BARX2: variants seen among roughly 807,000 people sequenced by gnomAD.
BARX2 encodes homeobox protein BarH-like 2.
In BARX2, 11 loss-of-function variants were observed where a neutral mutation model predicts 25.5. That is an observed-to-expected ratio of 0.43 (90% CI 0.27 to 0.71). The LOEUF (loss-of-function observed/expected upper bound fraction) is 0.71, where lower values mean the gene tolerates loss of function less well. Ranked by LOEUF, BARX2 falls within the 30% of genes least tolerant of loss-of-function variation. The probability of loss-of-function intolerance (pLI) is 0.19; values close to 1 mark genes in which losing one functional copy is unlikely to be tolerated. For missense variants in BARX2, 360 were observed against 359.9 expected (o/e 1.00, Z 0.00); for synonymous variants, 137 against 149.5 (o/e 0.92, Z 0.61).
chr11:129,434,527 A>G (rs1862167732), intron 1 of BARX2, among the ~76,000 whole-genome samples: 1 of 150,806 alleles, frequency 6.6e-6, no homozygotes, highest in Non-Finnish European at 1.5e-5. Flanking sequence ...AGCCTGCCAA[A>G]GTGCTGAGCC....
At chr11:129,417,786 A>G (rs2135401694) in intron 1 of BARX2, among the ~76,000 whole-genome samples, 1 of 152,328 alleles carries the variant, frequency 6.6e-6, no homozygotes, top group Admixed American at 6.5e-5. Flanking sequence ...CTCCATTTGT[A>G]TGGCCTTTGC....
At position 129,442,610 on chromosome 11, in the gene BARX2, C is replaced by A. The variant is rs1862275441; in HGVS notation, c.489-225C>A. ...GTGAATGTTTCAGGATGGGGACTGG[C>A]CCAGGTGTCCTCAGGCATGGGCATC... is the stretch of plus-strand genomic sequence containing the variant. On this transcript the variant is annotated intron_variant, in intron 2 of 3. Transcript: ENST00000281437. 5 of 535,460 alleles carry A rather than the reference C, an allele frequency of 9.3e-6. No individual in the cohort carries two copies. In the Admixed American group the frequency reaches 1.1e-4, roughly 12 times the overall value. 33.2% of individuals were successfully genotyped at this position (535,460 alleles called of 1,614,324 possible). A position where few individuals can be genotyped will look rare whatever the true frequency, so the allele number is the denominator to read the frequency against.
At chr11:129,409,476 G>C (rs1420267209) in intron 1 of BARX2, among the ~76,000 whole-genome samples, 1 of 150,898 alleles carries the variant, frequency 6.6e-6, no homozygotes, top group Non-Finnish European at 1.5e-5. Context: ...CTAAACCATA[G>C]GCTTGTTTCT....
chr11:129,434,421 TAAAAAA>T (rs56344103), intron 1 of BARX2, among the ~76,000 whole-genome samples: 35 of 76,398 alleles, frequency 4.6e-4, no homozygotes, highest in East Asian at 1.5e-3. Flanking sequence ...AAAAAGTAAG[TAAAAAA>T]AAAAAAAAAA....
chr11:129,414,147 G>A (rs1243162322), intron 1 of BARX2, among the ~76,000 whole-genome samples: 1 of 151,922 alleles, frequency 6.6e-6, no homozygotes, highest in African/African-American at 2.4e-5. Context: ...TTACATTACC[G>A]TGAGGAAGGG....
intron 2 of BARX2, among the ~76,000 whole-genome samples, chr11:129,441,269 G>A (rs1464812953): frequency 1.3e-5 from 2 of 152,092 alleles, no homozygotes; most frequent in East Asian, 1.9e-4. Context: ...GCAGGAGCTG[G>A]TGTACAGGTC....
At chr11:129,411,179 G>A (rs1167437790) in intron 1 of BARX2, among the ~76,000 whole-genome samples, 1 of 152,086 alleles carries the variant, frequency 6.6e-6, no homozygotes, top group African/African-American at 2.4e-5. Context: ...AGACCATCCT[G>A]GCTAATATGG....
At chr11:129,444,110 A>G (rs78552343) in intron 3 of BARX2, among the ~76,000 whole-genome samples, 1 of 130,550 alleles carries the variant, frequency 7.7e-6, no homozygotes, top group Non-Finnish European at 1.5e-5. Context: ...AGTTTTCAGG[A>G]AAAAAAAAAA....
intron 1 of BARX2, among the ~76,000 whole-genome samples, chr11:129,382,271 C>T (rs1311077953): frequency 1.3e-5 from 2 of 152,070 alleles, no homozygotes; most frequent in East Asian, 1.9e-4. Flanking sequence ...CTCTGCTTCC[C>T]GGGTTCAAGC....
intron 1 of BARX2, among the ~76,000 whole-genome samples, chr11:129,380,547 A>G (rs1315742166): frequency 1.3e-5 from 2 of 152,148 alleles, no homozygotes; most frequent in Non-Finnish European, 2.9e-5. Flanking sequence ...CTGGAATGTT[A>G]ATGGAGAAAC....
chr11:129,416,073 ATGG>A, intron 1 of BARX2, among the ~76,000 whole-genome samples: 1 of 152,318 alleles, frequency 6.6e-6, no homozygotes, highest in African/African-American at 2.4e-5. Flanking sequence ...GTTGGATTGG[ATGG>A]GCTGGCTGTT....
intron 1 of BARX2, among the ~76,000 whole-genome samples, chr11:129,423,916 G>A (rs1862036424): frequency 6.7e-6 from 1 of 149,878 alleles, no homozygotes; most frequent in African/African-American, 2.5e-5. Context: ...CTGGAGTGCA[G>A]TTGGCTCACT....
chr11:129,445,577 AG>A (rs2135416710), intron 3 of BARX2, among the ~76,000 whole-genome samples: 1 of 152,362 alleles, frequency 6.6e-6, no homozygotes, highest in South Asian at 2.1e-4. Flanking sequence ...AGTCACCTTC[AG>A]GTCCCTTTAG....
chr11:129,436,861 C>A lies in BARX2; in HGVS notation c.298C>A (p.His100Asn). The A allele has an allele frequency of 6.2e-7, 1 of 1,614,092 alleles. No individual in the cohort carries two copies. Among genetic ancestry groups the A allele is most frequent in the Admixed American group, 1.7e-5 (1 of 60,024 alleles). Residue 100 changes from histidine (H) to asparagine (N), a missense_variant, in exon 2 of 4, where the codon CAC becomes AAC. Physicochemically the swap from His to Asn is moderately conservative, Grantham distance 68. Transcript: ENST00000281437. This position sits in a 1 kb window ranked among gnomAD's most constrained non-coding sequence, Gnocchi z 4.5. ...TPGIAQALSC[H>N]QVTEAVSAEA... ...GGGAATCGCCCAGGCACTGTCCTGC[C>A]ACCAGGTCACCGAGGCGGTCTCTGC...
chr11:129,437,264 C>A, intron 2 of BARX2: 1 of 594,646 alleles, frequency 1.7e-6, no homozygotes, highest in South Asian at 7.5e-5. Context: ...TGCGGCTAAA[C>A]TTAACTCACC....
At chr11:129,408,057 C>T (rs1405825627) in intron 1 of BARX2, among the ~76,000 whole-genome samples, 1 of 140,118 alleles carries the variant, frequency 7.1e-6, no homozygotes, top group Non-Finnish European at 1.5e-5. Flanking sequence ...AGTTGGAGCA[C>T]AGATGAAAGC....
At chr11:129,411,725 A>G (rs1172274525) in intron 1 of BARX2, among the ~76,000 whole-genome samples, 2 of 152,258 alleles carry the variant, frequency 1.3e-5, no homozygotes, top group African/African-American at 4.8e-5. Context: ...CTCTGGCCAC[A>G]CGGCAGAATC....
intron 1 of BARX2, among the ~76,000 whole-genome samples, chr11:129,434,400 T>A (rs182187787): frequency 0.029 from 2,371 of 81,844 alleles, 62 homozygotes; most frequent in East Asian, 0.16. Flanking sequence ...GTCTCTACTT[T>A]AAAAAAAAAA....
intron 1 of BARX2, among the ~76,000 whole-genome samples, chr11:129,391,493 G>A (rs927723103): frequency 6.6e-6 from 1 of 152,136 alleles, no homozygotes; most frequent in Non-Finnish European, 1.5e-5. Flanking sequence ...CCACTAGACT[G>A]TTGGAAGCAG....
Sources: gnomAD v4.1 joint callset for allele counts (sites outside exome capture counted in the v4.1 genomes callset) on GRCh38, gnomAD v4.1.1 for gene constraint, Gnocchi (gnomAD v3.1) non-coding constraint, MANE v1.5 for transcripts, NCBI Gene and HGNC (gene_info 2026-07-23, HGNC 2026-07-21) for gene names.